CXADR: variants seen among roughly 807,000 people sequenced by gnomAD.
CXADR encodes CXADR cell adhesion molecule.
Under a neutral mutation model 40.3 loss-of-function variants are expected in CXADR, and 20 were observed. The ratio of observed to expected loss-of-function variants is 0.50; its 90% CI spans 0.35 to 0.72. The LOEUF (loss-of-function observed/expected upper bound fraction) is 0.72, where lower values mean the gene tolerates loss of function less well. Among genes scored for constraint, CXADR ranks in the 30% least tolerant of loss-of-function variants. The probability of loss-of-function intolerance (pLI) is 0.01; values close to 1 mark genes in which losing one functional copy is unlikely to be tolerated. For missense variants in CXADR, 332 were observed against 449.1 expected, an observed-to-expected ratio of 0.74 and a Z score of 2.36; for synonymous variants, 150 against 161.3, an observed-to-expected ratio of 0.93 and a Z score of 0.53.
the CXADR span, among the ~76,000 whole-genome samples, chr21:17,610,484 C>T: frequency 2.0e-5 from 3 of 152,252 alleles, no homozygotes; most frequent in African/African-American, 4.8e-5. Flanking sequence ...TCAGGTCACC[C>T]GCAGAAAAAC....
At chr21:17,570,131 C>T (rs1158579032), downstream of CXADR, 2 of 985,230 alleles carry the variant, frequency 2.0e-6, no homozygotes, top group East Asian at 1.1e-4. Flanking sequence ...TTTATTGTGC[C>T]TTTTATACAG....
At chr21:17,592,985 A>G (rs927182817) in intron 7 of CXADR, among the ~76,000 whole-genome samples, 2 of 151,992 alleles carry the variant, frequency 1.3e-5, no homozygotes, top group Non-Finnish European at 2.9e-5. Flanking sequence ...TGGCCATTCA[A>G]TGATTTATTA....
At chr21:17,598,574 A>G (rs1464614474), downstream of CXADR, 15 of 1,545,038 alleles carry the variant, frequency 9.7e-6, no homozygotes, top group South Asian at 1.1e-5. Flanking sequence ...GGTCCTGGCA[A>G]TCCCTGCACA....
chr21:17,584,385 C>T (rs940142537), intron 7 of CXADR, among the ~76,000 whole-genome samples: 1 of 152,188 alleles, frequency 6.6e-6, no homozygotes, highest in Non-Finnish European at 1.5e-5. Flanking sequence ...AAGGAAAGAG[C>T]GTATTGTAGT....
chr21:17,571,978 T>C (rs1265103406), downstream of CXADR, among the ~76,000 whole-genome samples: 1 of 152,178 alleles, frequency 6.6e-6, no homozygotes, highest in Non-Finnish European at 1.5e-5. Flanking sequence ...AGTGGATATT[T>C]AGTAAGAAAC....
downstream of CXADR, among the ~76,000 whole-genome samples, chr21:17,595,363 C>G (rs371762718): frequency 1.3e-5 from 2 of 151,774 alleles, no homozygotes; most frequent in African/African-American, 4.8e-5. Context: ...TCAAAAAGTA[C>G]AAAAGGGTAA....
At chr21:17,565,363 C>A in intron 6 of CXADR, 65 bp from the exon 7 acceptor site, 1 of 1,521,394 alleles carries the variant, frequency 6.6e-7, no homozygotes, top group Non-Finnish European at 9.0e-7. Context: ...TGATTCATAG[C>A]TTGCATAATT....
chr21:17,586,675 G>A (rs1439982461), intron 7 of CXADR, among the ~76,000 whole-genome samples: 1 of 151,734 alleles, frequency 6.6e-6, no homozygotes, highest in Admixed American at 6.6e-5. Flanking sequence ...GAAGTAGGGG[G>A]TTAATTTTTA....
At chr21:17,573,256 G>A (rs148264421), downstream of CXADR, among the ~76,000 whole-genome samples, 17 of 152,208 alleles carry the variant, frequency 1.1e-4, no homozygotes, top group Admixed American at 2.6e-4. Context: ...AACTAATTGC[G>A]TCTGTAGCAA....
At chr21:17,616,589 C>A in the CXADR span, among the ~76,000 whole-genome samples, 2 of 151,936 alleles carry the variant, frequency 1.3e-5, no homozygotes, top group African/African-American at 4.8e-5. Flanking sequence ...CCAAAACAGT[C>A]ACTTTTATAA....
At chr21:17,541,104 G>T (rs909867834) in intron 1 of CXADR, among the ~76,000 whole-genome samples, 1 of 151,978 alleles carries the variant, frequency 6.6e-6, no homozygotes, top group African/African-American at 2.4e-5. Context: ...ACCTTGTTAG[G>T]ATTGATGAAC....
In CXADR at chr21:17,566,353, G is replaced by C; in HGVS notation, c.*661G>C. On this transcript the variant is annotated 3_prime_UTR_variant, in exon 7 of 7. Coordinates refer to ENST00000284878, the MANE Select transcript of CXADR (RefSeq NM_001338.5). ...GACTGCTACAGGTAATAGGGACTTA[G>C]CAAGCTCTTTTATATGCTAAAGGAG... 1 of 984,542 alleles carries C rather than the reference G, an allele frequency of 1.0e-6. No individual in the cohort carries two copies. Among genetic ancestry groups the C allele is most frequent in the Non-Finnish European group, 1.2e-6 (1 of 829,138 alleles). The allele number at this position is 984,542 out of a possible 1,614,324, so 61.0% of individuals were successfully genotyped here. A position where few individuals can be genotyped will look rare whatever the true frequency, so the allele number is the denominator to read the frequency against.
At chr21:17,579,311 GTC>G (rs2061343662) in intron 7 of CXADR, among the ~76,000 whole-genome samples, 2 of 149,930 alleles carry the variant, frequency 1.3e-5, no homozygotes, top group African/African-American at 4.9e-5. Context: ...TTGAGATGGA[GTC>G]TCACCCTGTC....
chr21:17,583,700 C>T (rs778715320), intron 7 of CXADR, among the ~76,000 whole-genome samples: 5 of 152,138 alleles, frequency 3.3e-5, no homozygotes, highest in African/African-American at 7.2e-5. Flanking sequence ...AATGTATAAT[C>T]CTCTCTTTGA....
At chr21:17,539,766 A>G (rs914142807) in intron 1 of CXADR, among the ~76,000 whole-genome samples, 6 of 152,198 alleles carry the variant, frequency 3.9e-5, no homozygotes, top group Non-Finnish European at 7.3e-5. Context: ...TTTATTGGCT[A>G]ATGGATTGAA....
chr21:17,630,096 C>A, the CXADR span, among the ~76,000 whole-genome samples: 1 of 151,902 alleles, frequency 6.6e-6, no homozygotes, highest in South Asian at 2.1e-4. Flanking sequence ...TCAAGGCTAC[C>A]CAAAAATATA....
chr21:17,526,045 A>C (rs570789006), intron 1 of CXADR, among the ~76,000 whole-genome samples: 74 of 152,334 alleles, frequency 4.9e-4, no homozygotes, highest in Middle Eastern at 6.8e-3. Context: ...GGGATATTAA[A>C]ATGTTTTTCG....
the CXADR span, among the ~76,000 whole-genome samples, chr21:17,615,078 T>C: frequency 1.3e-5 from 2 of 152,158 alleles, no homozygotes; most frequent in Non-Finnish European, 2.9e-5. Flanking sequence ...GTGATGGTAT[T>C]TGGAGGTGGG....
At chr21:17,549,874 A>G (rs970019718) in intron 2 of CXADR, among the ~76,000 whole-genome samples, 1 of 152,210 alleles carries the variant, frequency 6.6e-6, no homozygotes, top group East Asian at 1.9e-4. Context: ...AATCAAAGGA[A>G]GATAGAGTAG....
Sources: allele counts gnomAD v4.1 joint callset (sites outside exome capture counted in the v4.1 genomes callset), GRCh38; gene constraint gnomAD v4.1.1; transcripts MANE v1.5; gene names NCBI Gene and HGNC (gene_info 2026-07-23, HGNC 2026-07-21).